DLG2: variants seen among roughly 807,000 people sequenced by gnomAD.
DLG2 encodes the protein discs large MAGUK scaffold protein 2, also known as disks large homolog 2.
A neutral mutation model predicts 132.5 loss-of-function variants in DLG2; 45 were observed. The ratio of observed to expected loss-of-function variants is 0.34; its 90% CI spans 0.27 to 0.44. The LOEUF is 0.44. DLG2 is among the 20% of genes least tolerant of loss of function. The pLI is 1.00. For missense variants in DLG2, 1,045 were observed against 1,196.9 expected, an observed-to-expected ratio of 0.87 and a Z score of 1.87; for synonymous variants, 424 against 419.6, an observed-to-expected ratio of 1.01 and a Z score of -0.13.
At chr11:83,887,380 C>T (rs9667759) in intron 15 of DLG2, among the ~76,000 whole-genome samples, 7,545 of 151,556 alleles carry the variant, frequency 0.05, 595 homozygotes, top group African/African-American at 0.17. Context: ...ACACATACAC[C>T]CTCCCAAGAC....
chr11:84,913,130 T>C (rs1437126461), intron 6 of DLG2, among the ~76,000 whole-genome samples: 2 of 152,172 alleles, frequency 1.3e-5, no homozygotes, highest in Non-Finnish European at 2.9e-5. Context: ...GTAAAAATGA[T>C]TTCAATGTTT....
rs2089167547 is a variant in DLG2, at chr11:83,457,295, G to A, written c.*2523C>T. On this transcript the variant is annotated 3_prime_UTR_variant, in exon 28 of 28. Transcript: ENST00000376104. Reference sequence around the variant, plus strand: ...TTGCTGCAAAATACACCAGTTCATTGGAGCCATAGAGACATCAACATTGGG... The same window carrying A: ...TTGCTGCAAAATACACCAGTTCATTAGAGCCATAGAGACATCAACATTGGG... 1 of 152,556 alleles carries A rather than the reference G, an allele frequency of 6.6e-6. No homozygotes were observed. The highest frequency in any genetic ancestry group is 1.5e-5 in the Non-Finnish European group (1 of 68,032). The allele number at this position is 152,556 out of a possible 1,614,324, so 9.5% of individuals were successfully genotyped here.
intron 3 of DLG2, among the ~76,000 whole-genome samples, chr11:85,591,259 T>C (rs935778209): frequency 3.3e-5 from 5 of 152,224 alleles, no homozygotes; most frequent in African/African-American, 1.2e-4. Flanking sequence ...CTCACCACTC[T>C]TGTTTCTCAA....
At chr11:84,233,293 G>T (rs1488156811) in intron 8 of DLG2, among the ~76,000 whole-genome samples, 1 of 152,162 alleles carries the variant, frequency 6.6e-6, no homozygotes, top group Non-Finnish European at 1.5e-5. Context: ...AAATTGTTTA[G>T]GCAGATAGTG....
chr11:85,021,335 A>G, intron 6 of DLG2: 1 of 1,272,388 alleles, frequency 7.9e-7, no homozygotes, highest in Non-Finnish European at 1.1e-6. Flanking sequence ...TCGAAAGAAG[A>G]GCCATACATC....
chr11:84,367,545 A>T (rs1283433689), intron 7 of DLG2, among the ~76,000 whole-genome samples: 3 of 152,094 alleles, frequency 2.0e-5, no homozygotes, highest in Non-Finnish European at 4.4e-5. Flanking sequence ...CTAATATAAC[A>T]ATATTAAGAG....
chr11:85,090,513 G>A (rs1594006909), intron 6 of DLG2, among the ~76,000 whole-genome samples: 1 of 152,088 alleles, frequency 6.6e-6, no homozygotes, highest in African/African-American at 2.4e-5. Flanking sequence ...TCACACATCT[G>A]TACTTAGATA....
At chr11:83,642,367 C>T (rs1349045602) in intron 18 of DLG2, among the ~76,000 whole-genome samples, 1 of 152,172 alleles carries the variant, frequency 6.6e-6, no homozygotes, top group Non-Finnish European at 1.5e-5. Context: ...CTCCATTCCT[C>T]CTCACCCCTT....
chr11:85,381,232 G>A (rs1304076976), intron 3 of DLG2, among the ~76,000 whole-genome samples: 4 of 152,188 alleles, frequency 2.6e-5, no homozygotes, highest in Non-Finnish European at 5.9e-5. Flanking sequence ...GGTTTTTCAA[G>A]TGAAGCCAGA....
chr11:84,852,040 G>T (rs1159777165), intron 6 of DLG2, among the ~76,000 whole-genome samples: 2 of 151,956 alleles, frequency 1.3e-5, no homozygotes, highest in East Asian at 3.9e-4. Context: ...TGACAGCTCA[G>T]CTTTCATTTA....
intron 6 of DLG2, among the ~76,000 whole-genome samples, chr11:84,960,874 G>A (rs2052457270): frequency 6.6e-6 from 1 of 151,966 alleles, no homozygotes; most frequent in Non-Finnish European, 1.5e-5. Context: ...GTTTTTCATT[G>A]TTCACCAAAC....
chr11:83,494,012 A>G (rs1452014297), intron 21 of DLG2, among the ~76,000 whole-genome samples: 1 of 152,018 alleles, frequency 6.6e-6, no homozygotes. Flanking sequence ...CTCAAACCCC[A>G]TGTTTCCTAT....
intron 3 of DLG2, among the ~76,000 whole-genome samples, chr11:85,365,551 A>G (rs914123572): frequency 2.6e-5 from 4 of 152,190 alleles, no homozygotes; most frequent in African/African-American, 9.7e-5. Context: ...TAGAACCAGA[A>G]ATACCATTTG....
At chr11:84,852,471 C>A (rs936015342) in intron 6 of DLG2, among the ~76,000 whole-genome samples, 2 of 151,806 alleles carry the variant, frequency 1.3e-5, no homozygotes, top group Non-Finnish European at 2.9e-5. Flanking sequence ...GAAGGAAAAC[C>A]TGCAATATTA....
chr11:84,488,615 C>CATAGTTAAGGACACTTCCAGAGTTAAG, intron 7 of DLG2, among the ~76,000 whole-genome samples: 1 of 152,078 alleles, frequency 6.6e-6, no homozygotes, highest in Non-Finnish European at 1.5e-5. Flanking sequence ...TGCAAGACAG[C>CATAGTTAAGGACACTTCCAGAGTTAAG]TTACTCTGCT....
intron 7 of DLG2, among the ~76,000 whole-genome samples, chr11:84,498,986 C>T (rs2099194053): frequency 2.0e-5 from 3 of 152,140 alleles, no homozygotes; most frequent in Admixed American, 1.3e-4. Flanking sequence ...CAAAGCTGCA[C>T]CTAGAACCTA....
chr11:83,578,948 A>C (rs1476310101), intron 19 of DLG2, among the ~76,000 whole-genome samples: 1 of 152,226 alleles, frequency 6.6e-6, no homozygotes, highest in Non-Finnish European at 1.5e-5. Context: ...TTGAGCATTC[A>C]AGACCTGCCT....
rs543111856 is a variant in DLG2 at position 83,910,443 on chromosome 11, G to T, written c.1496+19885C>A. Among the ~76,000 whole-genome samples, 9 of 152,236 alleles carry T rather than the reference G, an allele frequency of 5.9e-5. No homozygotes were observed. The East Asian group carries it at 1.5e-3, about 26-fold the overall frequency. On this transcript the variant is annotated intron_variant, in intron 15 of 27. Coordinates refer to ENST00000376104, the MANE Select transcript of DLG2 (RefSeq NM_001142699.3). ...GTGAAACATGAACATCAAATGAACGGTCCTGGAAGCACCGTGGAGAACTTG... is the reference window on the plus strand; with the variant it reads ...GTGAAACATGAACATCAAATGAACGTTCCTGGAAGCACCGTGGAGAACTTG...
rs531271757 is a variant in DLG2 at position 84,535,496 on chromosome 11, A to G, written c.358-765T>C. 2.0e-5 allele frequency among the ~76,000 whole-genome samples: 3 copies of G among 152,200 alleles called. No individual in the cohort carries two copies. In the East Asian group the frequency reaches 5.8e-4, roughly 29 times the overall value. ...TTCTTAACCATCTTGCTTACACATG[A>G]CTGTACCAGTAAAGATTATTGTTTG... On this transcript the variant is annotated intron_variant, in intron 6 of 27. Coordinates refer to ENST00000376104, the MANE Select transcript of DLG2 (RefSeq NM_001142699.3).
Sources: gnomAD v4.1 joint callset for allele counts (sites outside exome capture counted in the v4.1 genomes callset) on GRCh38, gnomAD v4.1.1 for gene constraint, MANE v1.5 for transcripts, NCBI Gene and HGNC (gene_info 2026-07-23, HGNC 2026-07-21) for gene names.